The following WDR70 variants were observed in gnomAD, a reference collection of about 807,000 sequenced individuals.
The protein encoded by WDR70 is WD repeat domain 70.
WDR70 carries 53 observed loss-of-function variants against 88.6 expected under a neutral mutation model. That is an observed-to-expected ratio of 0.60 (90% CI 0.48 to 0.75). The LOEUF (loss-of-function observed/expected upper bound fraction) is 0.75, where lower values mean the gene tolerates loss of function less well. Ranked by LOEUF, WDR70 falls within the 30% of genes least tolerant of loss-of-function variation. WDR70 has a pLI of 0.00. For synonymous variants in WDR70, 280 were observed against 270.0 expected (o/e 1.04, Z -0.36); for missense variants, 610 against 823.2 (o/e 0.74, Z 3.17).
intron 13 of WDR70, among the ~76,000 whole-genome samples, chr5:37,719,358 C>CA (rs1561089493): frequency 1.3e-4 from 19 of 146,026 alleles, no homozygotes; most frequent in African/African-American, 5.2e-4. Context: ...AACCCCCCCC[C>CA]CAAAAAATAC....
chr5:37,488,502 CTT>C (rs113142236), intron 8 of WDR70, among the ~76,000 whole-genome samples: 3 of 137,522 alleles, frequency 2.2e-5, no homozygotes, highest in Non-Finnish European at 3.1e-5. Flanking sequence ...TTGTTCTTTA[CTT>C]TTTTTTTTTT....
intron 10 of WDR70, among the ~76,000 whole-genome samples, chr5:37,691,855 C>T (rs550177424): frequency 1.7e-3 from 254 of 152,164 alleles, no homozygotes; most frequent in African/African-American, 5.6e-3. Flanking sequence ...TAACTAAGAT[C>T]AGAGCAGAAC....
intron 8 of WDR70, among the ~76,000 whole-genome samples, chr5:37,493,649 G>A (rs954853055): frequency 6.6e-6 from 1 of 152,088 alleles, no homozygotes; most frequent in African/African-American, 2.4e-5. Context: ...CAGCTGTTAG[G>A]TAATAAATCG....
intron 5 of WDR70, among the ~76,000 whole-genome samples, chr5:37,414,635 A>C (rs1166124242): frequency 7.0e-6 from 1 of 143,464 alleles, no homozygotes; most frequent in African/African-American, 2.6e-5. Flanking sequence ...CTGTATCCTC[A>C]GTGGCTTGAC....
intron 17 of WDR70, among the ~76,000 whole-genome samples, chr5:37,743,912 A>G (rs1219748459): frequency 2.0e-5 from 3 of 152,194 alleles, no homozygotes; most frequent in Non-Finnish European, 4.4e-5. Flanking sequence ...CTCTCCACCA[A>G]GGGACAAAGT....
chr5:37,587,818 C>T (rs1292004544), intron 9 of WDR70, among the ~76,000 whole-genome samples: 5 of 145,150 alleles, frequency 3.4e-5, no homozygotes, highest in African/African-American at 7.8e-5. Context: ...CTCACTCTAT[C>T]GCCCAGGCTG....
intron 9 of WDR70, among the ~76,000 whole-genome samples, chr5:37,592,350 C>T (rs1392693820): frequency 6.6e-6 from 1 of 152,146 alleles, no homozygotes. Context: ...AGAGTTTTGG[C>T]ATCATCATCA....
At chr5:37,417,708 A>C (rs989131342) in intron 5 of WDR70, among the ~76,000 whole-genome samples, 2 of 151,864 alleles carry the variant, frequency 1.3e-5, no homozygotes, top group Middle Eastern at 6.3e-3. Context: ...CGAGCTAATT[A>C]TTTTATTACC....
intron 9 of WDR70, among the ~76,000 whole-genome samples, chr5:37,548,755 G>A (rs564324659): frequency 9.9e-5 from 15 of 152,136 alleles, no homozygotes; most frequent in South Asian, 4.2e-4. Context: ...ATGTTTTCTC[G>A]TAGTATTTTC....
At chr5:37,543,800 G>A (rs537849050) in intron 9 of WDR70, among the ~76,000 whole-genome samples, 5 of 152,146 alleles carry the variant, frequency 3.3e-5, no homozygotes, top group Middle Eastern at 3.4e-3. Context: ...ATGGAGTCTC[G>A]CTCTGTCGCC....
intron 9 of WDR70, among the ~76,000 whole-genome samples, chr5:37,600,644 G>A (rs1743853187): frequency 6.6e-6 from 1 of 151,742 alleles, no homozygotes; most frequent in Non-Finnish European, 1.5e-5. Context: ...TGCCCAATAA[G>A]CACACGAAAA....
chr5:37,622,772 A>T (rs1306006108), intron 10 of WDR70, among the ~76,000 whole-genome samples: 1 of 152,152 alleles, frequency 6.6e-6, no homozygotes, highest in Non-Finnish European at 1.5e-5. Context: ...GGATAGCATT[A>T]GGAGATATAC....
chr5:37,380,345 T>C (rs1018269197), intron 2 of WDR70, among the ~76,000 whole-genome samples: 3 of 147,466 alleles, frequency 2.0e-5, no homozygotes, highest in African/African-American at 7.4e-5. Flanking sequence ...CTATTCATTC[T>C]TTTTTTTTTT....
At chr5:37,514,705 T>C (rs986782840) in intron 8 of WDR70, among the ~76,000 whole-genome samples, 4 of 152,034 alleles carry the variant, frequency 2.6e-5, no homozygotes, top group African/African-American at 9.7e-5. Flanking sequence ...CTGATTGCTA[T>C]GTAGAGCACA....
intron 10 of WDR70, among the ~76,000 whole-genome samples, chr5:37,674,918 T>G (rs1162812803): frequency 2.6e-5 from 4 of 151,632 alleles, no homozygotes; most frequent in Admixed American, 1.3e-4. Flanking sequence ...TTTTAATGAT[T>G]GCCATTCTAA....
rs373787202 is a variant in WDR70 at position 37,480,035 on chromosome 5, A to G, written c.840+48A>G. ...TAATGAATTAATTCAGCACACATTT[A>G]TTAACAACTATTTGAGTTATCATGT... is the stretch of plus-strand genomic sequence containing the variant. On this transcript the variant is annotated intron_variant, in intron 8 of 17. Transcript: ENST00000265107. The G allele has an allele frequency of 4.5e-6, 7 of 1,563,860 alleles. No individual in the cohort carries two copies. In the Admixed American group the frequency reaches 9.6e-5, roughly 21 times the overall value.
chr5:37,592,861 A>G (rs999573314), intron 9 of WDR70, among the ~76,000 whole-genome samples: 2 of 152,230 alleles, frequency 1.3e-5, no homozygotes, highest in Admixed American at 1.3e-4. Context: ...AATCGTCTAT[A>G]TAGAAAATTT....
At chr5:37,708,458 G>A (rs1747420526) in intron 13 of WDR70, among the ~76,000 whole-genome samples, 1 of 151,826 alleles carries the variant, frequency 6.6e-6, no homozygotes, top group African/African-American at 2.4e-5. Flanking sequence ...ATAATTACAT[G>A]TTACACATGT....
At chr5:37,384,660 C>CAAAA (rs70978807) in intron 3 of WDR70, among the ~76,000 whole-genome samples, 9 of 59,424 alleles carry the variant, frequency 1.5e-4, no homozygotes, top group Admixed American at 2.5e-4. Flanking sequence ...ACTCTTGTCT[C>CAAAA]AAAAAAAAAA....
Sources: gnomAD v4.1 joint callset for allele counts (sites outside exome capture counted in the v4.1 genomes callset) on GRCh38, gnomAD v4.1.1 for gene constraint, MANE v1.5 for transcripts, NCBI Gene and HGNC (gene_info 2026-07-23, HGNC 2026-07-21) for gene names.